MSI2: variants seen among roughly 807,000 people sequenced by gnomAD.
The protein encoded by MSI2 is musashi RNA binding protein 2.
In MSI2, 17 loss-of-function variants were observed where a neutral mutation model predicts 45.6. The observed-to-expected ratio is 0.37, with a 90% confidence interval of 0.26 to 0.56. The LOEUF is 0.56. Ranked by LOEUF, MSI2 falls within the 20% of genes least tolerant of loss-of-function variation. The probability of loss-of-function intolerance (pLI) is 0.77; values close to 1 mark genes in which losing one functional copy is unlikely to be tolerated. For missense variants in MSI2, 293 were observed against 444.2 expected (o/e 0.66, Z 3.06); for synonymous variants, 156 against 158.2 (o/e 0.99, Z 0.11).
chr17:57,300,863 C>T (rs138940360), intron 5 of MSI2, among the ~76,000 whole-genome samples: 320 of 152,276 alleles, frequency 2.1e-3, no homozygotes, highest in African/African-American at 7.4e-3. Context: ...ACTGCCCCTA[C>T]GATTCAATTA....
At position 57,501,724 on chromosome 17, in the gene MSI2, C is replaced by T. The variant is rs150029086; in HGVS notation, c.406-27952C>T. On this transcript the variant is annotated intron_variant, in intron 6 of 13. Coordinates refer to ENST00000284073, the MANE Select transcript of MSI2 (RefSeq NM_138962.4). ...CCAAGTTCAGCCGTTGGCAACGAGACGGACCTAGAATAGCCCCTGCTCCTG... is the reference window on the plus strand; with the variant it reads ...CCAAGTTCAGCCGTTGGCAACGAGATGGACCTAGAATAGCCCCTGCTCCTG... Among the ~76,000 whole-genome samples, 1,086 of 152,310 alleles carry T rather than the reference C, an allele frequency of 7.1e-3. 16 individuals carry two copies. Among genetic ancestry groups the T allele is most frequent in the African/African-American group, 0.024 (994 of 41,560 alleles).
intron 10 of MSI2, chr17:57,628,153 G>A (rs1246986392): frequency 1.3e-5 from 2 of 152,316 alleles, no homozygotes; most frequent in African/African-American, 4.8e-5. Context: ...AGGAGGTGTA[G>A]GGACAGAGTC....
At chr17:57,442,460 C>T (rs1380424036) in intron 6 of MSI2, among the ~76,000 whole-genome samples, 4 of 152,128 alleles carry the variant, frequency 2.6e-5, no homozygotes, top group Admixed American at 1.3e-4. Context: ...TTTGTGTGGG[C>T]GTTTATTTTT....
In MSI2 at chr17:57,463,998, T is replaced by C. The variant is rs932945558; in HGVS notation, c.405+62527T>C. On this transcript the variant is annotated intron_variant, in intron 6 of 13. Transcript: ENST00000284073. Reference sequence around the variant, plus strand: ...TGGTTCAGTTTAATGAACGTGTGTGTGTGTGTGTGTGTGTGTGTGTGTATG... The same window carrying C: ...TGGTTCAGTTTAATGAACGTGTGTGCGTGTGTGTGTGTGTGTGTGTGTATG... Among the ~76,000 whole-genome samples the C allele has an allele frequency of 1.1e-4, 13 of 121,084 alleles. 1 individual carries two copies. The highest frequency in any genetic ancestry group is 4.2e-4 in the Admixed American group (5 of 11,800). 79.4% of individuals were successfully genotyped at this position (121,084 alleles called of 152,430 possible).
intron 6 of MSI2, chr17:57,450,027 A>AAAAC (rs140170785): frequency 1.6e-4 from 24 of 152,422 alleles, no homozygotes; most frequent in East Asian, 5.8e-4. Flanking sequence ...TCCATCTCAA[A>AAAAC]AAACAAACAA....
chr17:57,692,201 A>G, the MSI2 span, among the ~76,000 whole-genome samples: 2 of 152,190 alleles, frequency 1.3e-5, no homozygotes, highest in Non-Finnish European at 2.9e-5. Context: ...GTATAAGCCC[A>G]CTGGGTCATG....
chr17:57,510,620 G>T (rs2086334303), intron 6 of MSI2, among the ~76,000 whole-genome samples: 1 of 151,856 alleles, frequency 6.6e-6, no homozygotes, highest in South Asian at 2.1e-4. Flanking sequence ...TAGAGACAGG[G>T]TTTCACCATG....
Position 57,331,473 on chromosome 17 carries a change from C to T in MSI2, c.312+69281C>T, listed in dbSNP as rs552472876. Among the ~76,000 whole-genome samples the T allele has an allele frequency of 3.9e-5, 6 of 152,280 alleles. No homozygotes were observed. The South Asian group carries it at 8.3e-4, about 21-fold the overall frequency. ...AAGAAAGGAAATATGTGAGATGAGT[C>T]GGACTGTCACCCTGGTGAGGACCAT... On this transcript the variant is annotated intron_variant, in intron 5 of 13. Coordinates refer to ENST00000284073, the MANE Select transcript of MSI2 (RefSeq NM_138962.4).
chr17:57,436,891 T>C (rs2143430499), intron 6 of MSI2, among the ~76,000 whole-genome samples: 2 of 152,304 alleles, frequency 1.3e-5, no homozygotes, highest in South Asian at 4.1e-4. Context: ...TTCCCCACCC[T>C]TCCTGTCCCT....
intron 6 of MSI2, among the ~76,000 whole-genome samples, chr17:57,497,490 G>A (rs1050989587): frequency 1.3e-5 from 2 of 152,216 alleles, no homozygotes; most frequent in African/African-American, 2.4e-5. Flanking sequence ...GGGGAGCTGC[G>A]CTTGTTTGGG....
intron 5 of MSI2, among the ~76,000 whole-genome samples, chr17:57,289,269 C>T (rs1910196269): frequency 6.6e-6 from 1 of 152,152 alleles, no homozygotes; most frequent in South Asian, 2.1e-4. Context: ...CCCAGGCCAG[C>T]ATCTCTATAG....
intron 8 of MSI2, among the ~76,000 whole-genome samples, chr17:57,609,586 G>T (rs930924634): frequency 3.3e-5 from 5 of 152,244 alleles, no homozygotes; most frequent in Admixed American, 2.6e-4. Context: ...GGGCCCCAAG[G>T]CCGCGTGCTG....
chr17:57,646,601 C>A (rs1021883213), intron 10 of MSI2, among the ~76,000 whole-genome samples: 1 of 152,188 alleles, frequency 6.6e-6, no homozygotes, highest in Non-Finnish European at 1.5e-5. Flanking sequence ...AGTGAAGTGT[C>A]GTGTCCAATT....
At chr17:57,572,347 G>A (rs1239649066) in intron 7 of MSI2, among the ~76,000 whole-genome samples, 2 of 152,232 alleles carry the variant, frequency 1.3e-5, no homozygotes, top group African/African-American at 2.4e-5. Context: ...CTGGAAAAGA[G>A]TGAGGACTTG....
chr17:57,309,327 A>C (rs1449924565), intron 5 of MSI2, among the ~76,000 whole-genome samples: 1 of 152,120 alleles, frequency 6.6e-6, no homozygotes, highest in Non-Finnish European at 1.5e-5. Flanking sequence ...AGCTTCTCTT[A>C]TACTTGGATC....
intron 5 of MSI2, among the ~76,000 whole-genome samples, chr17:57,336,057 A>T (rs997657106): frequency 6.6e-5 from 10 of 152,166 alleles, no homozygotes; most frequent in African/African-American, 2.2e-4. Flanking sequence ...TAGGAGGCCC[A>T]CCAGTTACTG....
At chr17:57,269,778 C>T (rs781014185) in intron 5 of MSI2, among the ~76,000 whole-genome samples, 4 of 152,132 alleles carry the variant, frequency 2.6e-5, no homozygotes, top group African/African-American at 7.2e-5. Context: ...GTGTGTGTCC[C>T]GTGGCTCAGA....
chr17:57,502,602 G>GATAGAT (rs1190802566), intron 6 of MSI2, among the ~76,000 whole-genome samples: 12 of 54,410 alleles, frequency 2.2e-4, no homozygotes, highest in East Asian at 1.7e-3. Context: ...ATGACTCTGA[G>GATAGAT]ATATATATAT....
At chr17:57,417,552 C>A (rs1381061182) in intron 6 of MSI2, among the ~76,000 whole-genome samples, 1 of 152,166 alleles carries the variant, frequency 6.6e-6, no homozygotes, top group African/African-American at 2.4e-5. Context: ...TCTTACCCCT[C>A]AACCCCCAAG....
Sources: allele counts gnomAD v4.1 joint callset (sites outside exome capture counted in the v4.1 genomes callset), GRCh38; gene constraint gnomAD v4.1.1; transcripts MANE v1.5; gene names NCBI Gene and HGNC (gene_info 2026-07-23, HGNC 2026-07-21).